Variants in HECW1 observed in about 807,000 individuals in gnomAD.
HECW1 encodes E3 ubiquitin-protein ligase HECW1.
HECW1 carries 61 observed loss-of-function variants against 182.3 expected under a neutral mutation model. The observed-to-expected ratio is 0.33, with a 90% CI of 0.27 to 0.41. The LOEUF is 0.41. HECW1 is among the 10% of genes least tolerant of loss of function. The pLI, the probability that HECW1 is intolerant of heterozygous loss-of-function variation, is 1.00. For missense variants in HECW1, 1,739 were observed against 2,108.9 expected (o/e 0.82, Z 3.44); for synonymous variants, 859 against 832.6 (o/e 1.03, Z -0.55).
At chr7:43,359,374 A>G (rs1815581863) in intron 5 of HECW1, among the ~76,000 whole-genome samples, 1 of 152,210 alleles carries the variant, frequency 6.6e-6, no homozygotes, top group South Asian at 2.1e-4. Flanking sequence ...CCGGGTAGGT[A>G]TCTAGCGATT....
Position 43,358,430 on chromosome 7 carries a change from C to T in HECW1, c.461-2456C>T, listed in dbSNP as rs572260126. 5.3e-5 allele frequency among the ~76,000 whole-genome samples: 8 copies of T among 152,088 alleles called. No individual in the cohort carries two copies. The East Asian group carries it at 1.5e-3, about 29-fold the overall frequency. On this transcript the variant is annotated intron_variant, in intron 5 of 29. Coordinates refer to ENST00000395891, the MANE Select transcript of HECW1 (RefSeq NM_015052.5). Reference sequence around the variant, plus strand: ...AGAGCTTGAAAAGACAATCAACAGACATGTGAAAGAACTATCGAGAAAGTG... The same window carrying T: ...AGAGCTTGAAAAGACAATCAACAGATATGTGAAAGAACTATCGAGAAAGTG...
chr7:43,165,401 G>GT lies in HECW1; in HGVS notation c.-32+51010_-32+51011insT, dbSNP rs1156734895. On this transcript the variant is annotated intron_variant, in intron 2 of 29. Transcript: ENST00000395891. ...CAAAGGACACTGGGCTTTTGGCGGG[G>GT]GGGGGTGTTTGTGTGTGTGCACACA... 2.6e-5 allele frequency among the ~76,000 whole-genome samples: 4 copies of GT among 151,258 alleles called. No individual in the cohort carries two copies. In the South Asian group the frequency reaches 8.4e-4, roughly 32 times the overall value.
rs1050852307 is a variant in HECW1, at chr7:43,302,941, A to G, written c.28-8822A>G. On this transcript the variant is annotated intron_variant, in intron 3 of 29. Transcript: ENST00000395891. ...ACACCACACACACCCACACACGTGC[A>G]CACACACATGCGCGCACACACACAC... Among the ~76,000 whole-genome samples the G allele has an allele frequency of 5.7e-5, 7 of 123,414 alleles. No individual in the cohort carries two copies. The East Asian group carries it at 1.3e-3, about 24-fold the overall frequency. 81.0% of individuals were successfully genotyped at this position (123,414 alleles called of 152,430 possible).
At chr7:43,178,179 G>A (rs1414622014) in intron 2 of HECW1, among the ~76,000 whole-genome samples, 2 of 152,144 alleles carry the variant, frequency 1.3e-5, no homozygotes, top group Admixed American at 6.6e-5. Flanking sequence ...ACTAATTTTT[G>A]TATTTTAGTA....
At chr7:43,484,650 C>T (rs1026319821) in intron 17 of HECW1, 1 of 152,022 alleles carries the variant, frequency 6.6e-6, no homozygotes, top group Non-Finnish European at 1.5e-5. Flanking sequence ...TCTTCAAACC[C>T]CAATGGCAGA....
At chr7:43,358,817 T>G (rs945087081) in intron 5 of HECW1, among the ~76,000 whole-genome samples, 26 of 140,374 alleles carry the variant, frequency 1.9e-4, no homozygotes, top group African/African-American at 6.4e-4. Context: ...TAAAATATAT[T>G]CTTTTTTTTT....
chr7:43,481,873 C>G (rs1326263092), intron 17 of HECW1, among the ~76,000 whole-genome samples: 1 of 138,692 alleles, frequency 7.2e-6, no homozygotes, highest in African/African-American at 2.6e-5. Context: ...GTAGTCCCAG[C>G]TACTCGGGAG....
intron 5 of HECW1, among the ~76,000 whole-genome samples, chr7:43,350,291 T>C (rs1367147377): frequency 6.6e-6 from 1 of 152,198 alleles, no homozygotes; most frequent in African/African-American, 2.4e-5. Flanking sequence ...TCACAGACCT[T>C]AAGATTCTTT....
At chr7:43,503,229 T>A (rs2079438917) in intron 21 of HECW1, among the ~76,000 whole-genome samples, 1 of 152,198 alleles carries the variant, frequency 6.6e-6, no homozygotes, top group South Asian at 2.1e-4. Flanking sequence ...GGAGCTTTGC[T>A]GGAGCCGACA....
intron 24 of HECW1, among the ~76,000 whole-genome samples, chr7:43,527,176 A>C (rs1334012787): frequency 6.6e-6 from 1 of 152,198 alleles, no homozygotes; most frequent in Non-Finnish European, 1.5e-5. Flanking sequence ...TTAGTGGAAC[A>C]CTTACAAATT....
At chr7:43,143,601 A>T (rs945809374) in intron 2 of HECW1, among the ~76,000 whole-genome samples, 4 of 152,098 alleles carry the variant, frequency 2.6e-5, no homozygotes, top group African/African-American at 9.7e-5. Flanking sequence ...CCTCCTTTAG[A>T]TGCCAGCTCT....
At chr7:43,127,245 C>T (rs13244563) in intron 2 of HECW1, among the ~76,000 whole-genome samples, 1 of 152,050 alleles carries the variant, frequency 6.6e-6, no homozygotes, top group Non-Finnish European at 1.5e-5. Context: ...AACAGCTGGC[C>T]GGGCAAGGTA....
At chr7:43,397,003 A>C (rs750965237) in intron 7 of HECW1, 114 bp downstream of exon 7, 4 of 772,832 alleles carry the variant, frequency 5.2e-6, no homozygotes, top group Non-Finnish European at 9.1e-6. Flanking sequence ...TCTGTGCCTC[A>C]ATTTCTCAAT....
At chr7:43,485,832 T>G (rs1269430705) in intron 17 of HECW1, among the ~76,000 whole-genome samples, 1 of 152,190 alleles carries the variant, frequency 6.6e-6, no homozygotes, top group African/African-American at 2.4e-5. Flanking sequence ...ATGTAGAATA[T>G]AAACACTGCA....
chr7:43,524,222 C>A (rs1220659902), intron 24 of HECW1, among the ~76,000 whole-genome samples: 5 of 152,182 alleles, frequency 3.3e-5, no homozygotes, highest in Admixed American at 2.6e-4. Context: ...CGTCAAGAGT[C>A]TTTCAAAGAG....
chr7:43,437,288 C>T (rs988071619), intron 8 of HECW1, among the ~76,000 whole-genome samples: 6 of 152,162 alleles, frequency 3.9e-5, no homozygotes, highest in Non-Finnish European at 7.3e-5. Context: ...TTCTCAGTTT[C>T]AAAGATTTAT....
intron 2 of HECW1, among the ~76,000 whole-genome samples, chr7:43,122,868 A>G (rs974076516): frequency 6.6e-6 from 1 of 152,218 alleles, no homozygotes; most frequent in Non-Finnish European, 1.5e-5. Flanking sequence ...ACACATGCAT[A>G]TAATTTTTAA....
chr7:43,507,901 C>T (rs750342155), intron 22 of HECW1, 117 bp from the exon 23 acceptor site: 61 of 657,034 alleles, frequency 9.3e-5, no homozygotes, highest in Admixed American at 1.6e-4. Context: ...CTGCTCTTTC[C>T]TCTCTCTTTG....
intron 3 of HECW1, among the ~76,000 whole-genome samples, chr7:43,297,378 T>G (rs1205859911): frequency 6.6e-6 from 1 of 152,242 alleles, no homozygotes; most frequent in Non-Finnish European, 1.5e-5. Context: ...TTATGAAAAT[T>G]GCTTTTTATC....
Sources: gnomAD v4.1 joint callset for allele counts (sites outside exome capture counted in the v4.1 genomes callset) on GRCh38, gnomAD v4.1.1 for gene constraint, MANE v1.5 for transcripts, NCBI Gene and HGNC (gene_info 2026-07-23, HGNC 2026-07-21) for gene names.